The following LRPAP1 variants were observed in gnomAD, a reference collection of about 807,000 sequenced individuals.
LRPAP1 encodes alpha-2-macroglobulin receptor-associated protein.
In LRPAP1, 41 loss-of-function variants were observed where a neutral mutation model predicts 39.9. That is an observed-to-expected ratio of 1.03 (90% CI 0.80 to 1.33). LRPAP1 has a LOEUF of 1.33. Among genes scored for constraint, LRPAP1 ranks in the 40% most tolerant of loss-of-function variants. The probability of loss-of-function intolerance (pLI) is 0.00; values close to 1 mark genes in which losing one functional copy is unlikely to be tolerated. For synonymous variants in LRPAP1, 263 were observed against 212.7 expected (o/e 1.24, Z -2.06); for missense variants, 565 against 482.3 (o/e 1.17, Z -1.61).
At position 3,511,257 on chromosome 4, in the gene LRPAP1, T is replaced by C. The variant is rs1729501437; in HGVS notation, c.*1717A>G. On this transcript the variant is annotated 3_prime_UTR_variant, in exon 8 of 8. Transcript: ENST00000650182. Reference sequence around the variant, plus strand: ...GCCCCCACCCCCACCCCCACACGAGTGTTCACCACAGCTATTTCCAAGTGA... The same window carrying C: ...GCCCCCACCCCCACCCCCACACGAGCGTTCACCACAGCTATTTCCAAGTGA... 9.0e-6 allele frequency: 1 copy of C among 111,072 alleles called. No homozygotes were observed. The highest frequency in any genetic ancestry group is 1.4e-4 in the Admixed American group (1 of 7,194). 6.9% of individuals were successfully genotyped at this position (111,072 alleles called of 1,614,324 possible). A position where few individuals can be genotyped will look rare whatever the true frequency, so the allele number is the denominator to read the frequency against.
chr4:3,509,768 CTGGAGA>C lies in LRPAP1; in HGVS notation c.*3200_*3205del. On this transcript the variant is annotated 3_prime_UTR_variant, in exon 8 of 8. Coordinates refer to ENST00000650182, the MANE Select transcript of LRPAP1 (RefSeq NM_002337.4). ...ACACACGGCAGTCAACGCGTGGACA[CTGGAGA>C]CTGCTGAGACGCCGACTGGAGTCAC... 1.9e-5 allele frequency: 1 copy of C among 52,194 alleles called. No homozygotes were observed. Among genetic ancestry groups the C allele is most frequent in the Admixed American group, 2.2e-4 (1 of 4,528 alleles). 3.2% of individuals were successfully genotyped at this position (52,194 alleles called of 1,614,324 possible).
At chr4:3,515,427 C>T (rs1560253816) in intron 6 of LRPAP1, among the ~76,000 whole-genome samples, 1 of 152,206 alleles carries the variant, frequency 6.6e-6, no homozygotes, top group Admixed American at 6.5e-5. Flanking sequence ...TGCCCCAGCC[C>T]CAGAGGGAAG....
intron 1 of LRPAP1, among the ~76,000 whole-genome samples, chr4:3,529,324 A>G (rs1730175036): frequency 6.6e-6 from 1 of 151,186 alleles, no homozygotes; most frequent in Non-Finnish European, 1.5e-5. Context: ...CTCTGTCTCA[A>G]AAAAAACAAA....
rs1729317612 is a variant in LRPAP1 at position 3,505,242 on chromosome 4, C to A, written c.*7732G>T. ...GCTCTTCAGCCCCAGCCCCTGGTGT[C>A]CCGCAGCGGCTGCGGTGGCAGTGGT... On this transcript the variant is annotated 3_prime_UTR_variant, in exon 8 of 8. Coordinates refer to ENST00000650182, the MANE Select transcript of LRPAP1 (RefSeq NM_002337.4). Among the ~76,000 whole-genome samples the A allele has an allele frequency of 1.3e-5, 2 of 152,222 alleles. No homozygotes were observed. Among genetic ancestry groups the A allele is most frequent in the Admixed American group, 6.5e-5 (1 of 15,294 alleles).
intron 6 of LRPAP1, 96 bp downstream of exon 6, chr4:3,516,020 G>C: frequency 3.4e-6 from 4 of 1,176,118 alleles, no homozygotes; most frequent in East Asian, 2.6e-5. Flanking sequence ...TTGAGAGAGA[G>C]AGCTTGGAGG....
Position 3,511,358 on chromosome 4 carries a change from G to C in LRPAP1, c.*1616C>G, listed in dbSNP as rs575020323. ...TGCATTAAAATCAGAGCACAGGACA[G>C]TCATGCAATGGAATACTATACAGCA... On this transcript the variant is annotated 3_prime_UTR_variant, in exon 8 of 8. Transcript: ENST00000650182. 1 of 151,372 alleles carries C rather than the reference G, an allele frequency of 6.6e-6. No individual in the cohort carries two copies. The highest frequency in any genetic ancestry group is 2.4e-5 in the African/African-American group (1 of 41,130). 9.4% of individuals were successfully genotyped at this position (151,372 alleles called of 1,614,324 possible).
At chr4:3,530,133 T>C (rs1391507883) in intron 1 of LRPAP1, among the ~76,000 whole-genome samples, 1 of 152,112 alleles carries the variant, frequency 6.6e-6, no homozygotes, top group Non-Finnish European at 1.5e-5. Context: ...CCCCCTACGT[T>C]TGAACTGACT....
At chr4:3,530,080 G>A (rs764419037) in intron 1 of LRPAP1, among the ~76,000 whole-genome samples, 28 of 152,270 alleles carry the variant, frequency 1.8e-4, no homozygotes, top group Non-Finnish European at 3.4e-4. Context: ...GTCAGGTGGG[G>A]TAAGAAGCCG....
intron 1 of LRPAP1, among the ~76,000 whole-genome samples, chr4:3,530,892 A>C (rs1730230533): frequency 6.6e-6 from 1 of 152,112 alleles, no homozygotes; most frequent in Non-Finnish European, 1.5e-5. Context: ...CGCCACCTCC[A>C]ATCGGTCAGG....
chr4:3,530,257 G>A lies in LRPAP1; in HGVS notation c.204+1952C>T, dbSNP rs1169171279. Among the ~76,000 whole-genome samples the A allele has an allele frequency of 5.3e-5, 8 of 152,030 alleles. No individual in the cohort carries two copies. The East Asian group carries it at 7.7e-4, about 15-fold the overall frequency. On this transcript the variant is annotated intron_variant, in intron 1 of 7. Coordinates refer to ENST00000650182, the MANE Select transcript of LRPAP1 (RefSeq NM_002337.4). ...GCCACTGAGAACCTCAAAAAGACCC[G>A]GACGGGTCTGACGCCTGCACACTTG... is the stretch of plus-strand genomic sequence containing the variant.
intron 1 of LRPAP1, among the ~76,000 whole-genome samples, chr4:3,531,229 CGT>C (rs1489331227): frequency 5.3e-5 from 8 of 152,162 alleles, no homozygotes; most frequent in Non-Finnish European, 8.8e-5. Context: ...GATGCCCAGG[CGT>C]CAATCCCCAT....
At position 3,505,899 on chromosome 4, in the gene LRPAP1, C is replaced by T. The variant is rs1729339883; in HGVS notation, c.*7075G>A. 6.6e-6 allele frequency among the ~76,000 whole-genome samples: 1 copy of T among 152,238 alleles called. No individual in the cohort carries two copies. Among genetic ancestry groups the T allele is most frequent in the Non-Finnish European group, 1.5e-5 (1 of 68,042 alleles). On this transcript the variant is annotated 3_prime_UTR_variant, in exon 8 of 8. Transcript: ENST00000650182. The stretch of plus-strand genomic sequence containing the variant: ...AGGCTGGGCTGAGCTGGGACCAGCT[C>T]TTCCACTGCCCTGCTCCGAGCCTGC...
chr4:3,523,998 T>A (rs549188789), intron 2 of LRPAP1, among the ~76,000 whole-genome samples: 26 of 151,744 alleles, frequency 1.7e-4, no homozygotes, highest in Admixed American at 5.2e-4. Flanking sequence ...AAGGGGTGCC[T>A]GGGGTCAGGC....
In LRPAP1 at chr4:3,504,914, T is replaced by A. The variant is rs1243495356; in HGVS notation, c.*8060A>T. ...GTGAGCCGAGATCGCACCAACGCACTCCAGCCTGGGCGACAGAGCAAGACT... is the reference window on the plus strand; with the variant it reads ...GTGAGCCGAGATCGCACCAACGCACACCAGCCTGGGCGACAGAGCAAGACT... On this transcript the variant is annotated 3_prime_UTR_variant, in exon 8 of 8. Transcript: ENST00000650182. Among the ~76,000 whole-genome samples the A allele has an allele frequency of 6.6e-6, 1 of 151,480 alleles. No individual in the cohort carries two copies. The highest frequency in any genetic ancestry group is 1.5e-5 in the Non-Finnish European group (1 of 67,932).
rs979153103 is a variant in LRPAP1 at position 3,511,167 on chromosome 4, CT to C, written c.*1806del. ...GGGAGAAAGAAACACAGTCCAACCA[CT>C]TTGGAATCATCTCTATACTTGGACA... On this transcript the variant is annotated 3_prime_UTR_variant, in exon 8 of 8. Coordinates refer to ENST00000650182, the MANE Select transcript of LRPAP1 (RefSeq NM_002337.4). The C allele has an allele frequency of 1.1e-4, 17 of 152,392 alleles. No homozygotes were observed. Among genetic ancestry groups the C allele is most frequent in the African/African-American group, 3.8e-4 (16 of 41,580 alleles). 9.4% of individuals were successfully genotyped at this position (152,392 alleles called of 1,614,324 possible).
At chr4:3,513,421 C>T (rs62272703) in intron 7 of LRPAP1, among the ~76,000 whole-genome samples, 19,610 of 152,198 alleles carry the variant, frequency 0.13, 1,368 homozygotes, top group African/African-American at 0.14. Context: ...GATCCTCCCA[C>T]CTCAGCCTCC....
At chr4:3,519,917 A>G (rs569785752) in intron 3 of LRPAP1, among the ~76,000 whole-genome samples, 155 bp downstream of exon 3, 35 of 152,362 alleles carry the variant, frequency 2.3e-4, no homozygotes, top group African/African-American at 8.2e-4. Flanking sequence ...TCACAGAATG[A>G]CAGTGGAATG....
At chr4:3,514,635 G>A in intron 7 of LRPAP1, 117 bp downstream of exon 7, 3 of 1,328,622 alleles carry the variant, frequency 2.3e-6, no homozygotes. Context: ...CTCGGACAGG[G>A]AAGACAGCAG....
rs1369278049 is a variant in LRPAP1, at chr4:3,511,802, G to C, written c.*1172C>G. On this transcript the variant is annotated 3_prime_UTR_variant, in exon 8 of 8. Transcript: ENST00000650182. ...GGGAACCACGCCCAGAGCCGGACCC[G>C]AGCCTCTTCCAGGCTCAGACACGGG... 2 of 149,638 alleles carry C rather than the reference G, an allele frequency of 1.3e-5. No individual in the cohort carries two copies. The highest frequency in any genetic ancestry group is 3.0e-5 in the Non-Finnish European group (2 of 67,298). The allele number at this position is 149,638 out of a possible 1,614,324, so 9.3% of individuals were successfully genotyped here. A position where few individuals can be genotyped will look rare whatever the true frequency, so the allele number is the denominator to read the frequency against.
Sources: gnomAD v4.1 joint callset for allele counts (sites outside exome capture counted in the v4.1 genomes callset) on GRCh38, gnomAD v4.1.1 for gene constraint, MANE v1.5 for transcripts, NCBI Gene and HGNC (gene_info 2026-07-23, HGNC 2026-07-21) for gene names.